The following ALMS1 variants were observed in gnomAD, a reference collection of about 807,000 sequenced individuals.
ALMS1 encodes the protein ALMS1 centrosome and basal body associated protein.
Under a neutral mutation model 352.2 loss-of-function variants are expected in ALMS1, and 271 were observed. The observed-to-expected ratio is 0.77, with a 90% CI of 0.70 to 0.85. The LOEUF (loss-of-function observed/expected upper bound fraction) is 0.85. Among genes scored for constraint, ALMS1 ranks in the 40% least tolerant of loss-of-function variants. ALMS1 has a pLI of 0.00. For synonymous variants in ALMS1, 1,865 were observed against 1,761.2 expected (o/e 1.06, Z -1.48); for missense variants, 5,445 against 4,870.7 (o/e 1.12, Z -3.51).
intron 1 of ALMS1, among the ~76,000 whole-genome samples, chr2:73,401,915 T>G (rs1321467661): frequency 1.3e-4 from 20 of 152,164 alleles, no homozygotes; most frequent in Admixed American, 1.3e-3. Flanking sequence ...AGTGAGATCA[T>G]GCAGTATTTT....
intron 9 of ALMS1, among the ~76,000 whole-genome samples, chr2:73,463,809 T>G (rs1186906068): frequency 6.8e-6 from 1 of 146,786 alleles, no homozygotes; most frequent in Non-Finnish European, 1.5e-5. Flanking sequence ...CAGAGAATAC[T>G]ACAAACACCT....
intron 10 of ALMS1, among the ~76,000 whole-genome samples, chr2:73,504,830 A>G (rs956482004): frequency 2.0e-5 from 3 of 152,084 alleles, no homozygotes; most frequent in African/African-American, 7.2e-5. Context: ...TGCTGCACCC[A>G]TCAACTCGTC....
At chr2:73,562,768 T>C (rs1288609118) in intron 15 of ALMS1, among the ~76,000 whole-genome samples, 1 of 151,856 alleles carries the variant, frequency 6.6e-6, no homozygotes, top group Non-Finnish European at 1.5e-5. Context: ...ATGCCTGTAA[T>C]CCCAGCTACT....
At chr2:73,393,550 C>A (rs938130833) in intron 1 of ALMS1, among the ~76,000 whole-genome samples, 6 of 152,118 alleles carry the variant, frequency 3.9e-5, no homozygotes, top group Non-Finnish European at 7.4e-5. Context: ...TCTTCATCCA[C>A]CCCACTCTCA....
Position 73,550,274 on chromosome 2 carries a change from T to C in ALMS1, c.9915T>C (p.Asn3305=), listed in dbSNP as rs776834724. 16 of 1,614,110 alleles carry C rather than the reference T, an allele frequency of 9.9e-6. No homozygotes were observed. Among genetic ancestry groups the C allele is most frequent in the Non-Finnish European group, 1.3e-5 (15 of 1,179,960 alleles). ...TTCCCCGTTTTTCTGTAGGATCCAA[T>C]GATGCCATTGCTCCAGACTTCCCAG... The part of the protein sequence containing the change: ...TTVESSHSGS[N]DAIAPDFPAQ... The change falls in exon 13 of 23, where the codon AAT becomes AAC. Residue 3305 remains asparagine, a synonymous_variant. Transcript: ENST00000613296.
chr2:73,396,622 A>G (rs1023093992), intron 1 of ALMS1, among the ~76,000 whole-genome samples: 1 of 44,646 alleles, frequency 2.2e-5, no homozygotes. Context: ...TTTTCTTCTT[A>G]TGGGTCTATT....
chr2:73,405,428 A>G lies in ALMS1; in HGVS notation c.325-3194A>G, dbSNP rs1464636877. 2.0e-5 allele frequency among the ~76,000 whole-genome samples: 3 copies of G among 151,558 alleles called. No homozygotes were observed. The East Asian group carries it at 5.8e-4, about 29-fold the overall frequency. ...TTTTATTTCTATGGCATTGGTTGTCATGTCCCCTCTTTCATTTCTGAATTT... is the reference window on the plus strand; with the variant it reads ...TTTTATTTCTATGGCATTGGTTGTCGTGTCCCCTCTTTCATTTCTGAATTT... On this transcript the variant is annotated intron_variant, in intron 1 of 22. Transcript: ENST00000613296.
At chr2:73,388,985 G>A (rs1255259785) in intron 1 of ALMS1, among the ~76,000 whole-genome samples, 1 of 152,032 alleles carries the variant, frequency 6.6e-6, no homozygotes. Context: ...GGGTCAAATG[G>A]TAGTTCTGTT....
Position 73,542,320 on chromosome 2 carries a change from C to G in ALMS1, c.9907+7371C>G, listed in dbSNP as rs559119932. Reference sequence around the variant, plus strand: ...AAGGCCTTTGACAAAATTCAACAACCCTTCATGCTAAAAACTCTCAATAAA... The same window carrying G: ...AAGGCCTTTGACAAAATTCAACAACGCTTCATGCTAAAAACTCTCAATAAA... On this transcript the variant is annotated intron_variant, in intron 12 of 22. Coordinates refer to ENST00000613296, the MANE Select transcript of ALMS1 (RefSeq NM_001378454.1). Among the ~76,000 whole-genome samples the G allele has an allele frequency of 2.0e-4, 31 of 152,240 alleles. No individual in the cohort carries two copies. The South Asian group carries it at 3.9e-3, about 19-fold the overall frequency.
intron 15 of ALMS1, among the ~76,000 whole-genome samples, chr2:73,566,968 A>T (rs547385220): frequency 1.7e-4 from 26 of 152,366 alleles, no homozygotes; most frequent in Middle Eastern, 6.8e-3. Flanking sequence ...GGTATAGGGA[A>T]GGTGCACAGA....
At chr2:73,485,296 C>G (rs1672808608) in intron 9 of ALMS1, among the ~76,000 whole-genome samples, 1 of 152,172 alleles carries the variant, frequency 6.6e-6, no homozygotes, top group African/African-American at 2.4e-5. Context: ...TTCTAACAGA[C>G]AGGACCCTCC....
At chr2:73,539,015 C>T (rs1248015805) in intron 12 of ALMS1, among the ~76,000 whole-genome samples, 2 of 152,190 alleles carry the variant, frequency 1.3e-5, no homozygotes, top group African/African-American at 4.8e-5. Flanking sequence ...ATGTCCCTGT[C>T]TGACAGCTTT....
At chr2:73,424,404 A>T in intron 4 of ALMS1, 26 bp from the exon 5 acceptor site, 1 of 1,361,966 alleles carries the variant, frequency 7.3e-7, no homozygotes, top group Non-Finnish European at 9.9e-7. Context: ...TTATTTATTT[A>T]TTTATTTTTA....
chr2:73,584,510 G>A (rs556998004), intron 16 of ALMS1, among the ~76,000 whole-genome samples: 21 of 152,210 alleles, frequency 1.4e-4, no homozygotes, highest in Non-Finnish European at 2.1e-4. Context: ...TTATGTACCA[G>A]AACAACAACT....
intron 2 of ALMS1, among the ~76,000 whole-genome samples, chr2:73,414,628 C>T (rs1289596634): frequency 6.6e-6 from 1 of 151,740 alleles, no homozygotes; most frequent in Non-Finnish European, 1.5e-5. Context: ...ACTTTTCTGT[C>T]CTCCTCTTAG....
At chr2:73,464,768 G>A (rs1164058653) in intron 9 of ALMS1, among the ~76,000 whole-genome samples, 3 of 152,134 alleles carry the variant, frequency 2.0e-5, no homozygotes, top group Admixed American at 6.6e-5. Flanking sequence ...CAAAATCAAT[G>A]TACAAAAATC....
chr2:73,537,340 T>C (rs1222567027), intron 12 of ALMS1, among the ~76,000 whole-genome samples: 1 of 152,162 alleles, frequency 6.6e-6, no homozygotes, highest in Non-Finnish European at 1.5e-5. Context: ...CGTAGGCCTG[T>C]GTATGCTCAG....
intron 12 of ALMS1, among the ~76,000 whole-genome samples, chr2:73,540,170 C>G (rs1057047031): frequency 6.6e-6 from 1 of 152,248 alleles, no homozygotes; most frequent in Admixed American, 6.5e-5. Context: ...AACAACTGAT[C>G]TCTCAGCAGA....
At chr2:73,497,685 C>T (rs1307345778) in intron 10 of ALMS1, among the ~76,000 whole-genome samples, 3 of 152,152 alleles carry the variant, frequency 2.0e-5, no homozygotes, top group African/African-American at 7.2e-5. Context: ...ATAATGGCCT[C>T]CAGCTCCATC....
Sources: allele counts gnomAD v4.1 joint callset (sites outside exome capture counted in the v4.1 genomes callset), GRCh38; gene constraint gnomAD v4.1.1; transcripts MANE v1.5; gene names NCBI Gene and HGNC (gene_info 2026-07-23, HGNC 2026-07-21).